TMEM232: variants seen among roughly 807,000 people sequenced by gnomAD.
TMEM232 encodes the protein transmembrane protein 232.
Under a neutral mutation model 78.8 loss-of-function variants are expected in TMEM232, and 80 were observed. The ratio of observed to expected loss-of-function variants is 1.01; its 90% CI spans 0.85 to 1.22. The LOEUF (loss-of-function observed/expected upper bound fraction) is 1.22, where lower values mean the gene tolerates loss of function less well. Among genes scored for constraint, TMEM232 ranks in the 50% most tolerant of loss-of-function variants. The probability of loss-of-function intolerance (pLI) is 0.00; values close to 1 mark genes in which losing one functional copy is unlikely to be tolerated. For synonymous variants in TMEM232, 297 were observed against 254.3 expected, an observed-to-expected ratio of 1.17 and a Z score of -1.60; for missense variants, 881 against 742.2, an observed-to-expected ratio of 1.19 and a Z score of -2.17.
At chr5:110,549,765 G>A (rs1774238993) in intron 11 of TMEM232, among the ~76,000 whole-genome samples, 1 of 151,900 alleles carries the variant, frequency 6.6e-6, no homozygotes, top group Non-Finnish European at 1.5e-5. Context: ...AAAAATAGAA[G>A]CAATTTTAGA....
At chr5:110,518,755 C>T (rs961790947) in intron 12 of TMEM232, among the ~76,000 whole-genome samples, 7 of 152,080 alleles carry the variant, frequency 4.6e-5, no homozygotes, top group African/African-American at 1.5e-4. Context: ...TTGGCAGCAA[C>T]ACTCATATGA....
At chr5:110,542,802 C>T (rs879257522) in intron 11 of TMEM232, among the ~76,000 whole-genome samples, 27 of 152,214 alleles carry the variant, frequency 1.8e-4, no homozygotes, top group Non-Finnish European at 2.9e-4. Context: ...CTTTGCAACC[C>T]CCCTCGCTTT....
At chr5:110,722,883 T>C (rs1387242952) in intron 1 of TMEM232, among the ~76,000 whole-genome samples, 2 of 152,214 alleles carry the variant, frequency 1.3e-5, no homozygotes, top group African/African-American at 4.8e-5. Flanking sequence ...AGTTAATTCT[T>C]TGTATTTACT....
intron 1 of TMEM232, among the ~76,000 whole-genome samples, chr5:110,683,681 A>T (rs1793040275): frequency 6.6e-6 from 1 of 151,718 alleles, no homozygotes; most frequent in Admixed American, 6.6e-5. Context: ...ATCTTATTAT[A>T]TTCTATACAA....
intron 1 of TMEM232, among the ~76,000 whole-genome samples, chr5:110,688,868 G>C (rs1368580452): frequency 6.6e-6 from 1 of 152,150 alleles, no homozygotes; most frequent in Admixed American, 6.5e-5. Flanking sequence ...CTGGTGAGCT[G>C]CTAAAACTTC....
intron 11 of TMEM232, among the ~76,000 whole-genome samples, chr5:110,557,397 A>G (rs1349474909): frequency 2.0e-5 from 3 of 152,202 alleles, no homozygotes; most frequent in African/African-American, 7.2e-5. Context: ...CAGTCTGGTT[A>G]AGAACCATTG....
intron 1 of TMEM232, among the ~76,000 whole-genome samples, chr5:110,706,377 G>A (rs1416216361): frequency 1.3e-5 from 2 of 152,108 alleles, no homozygotes; most frequent in African/African-American, 4.8e-5. Context: ...CTTTACCACA[G>A]TGGACCTCTC....
At chr5:110,566,692 A>G (rs1005851444) in intron 11 of TMEM232, among the ~76,000 whole-genome samples, 1 of 151,882 alleles carries the variant, frequency 6.6e-6, no homozygotes, top group Non-Finnish European at 1.5e-5. Context: ...ACACATCTCT[A>G]GAAGTTCCAA....
chr5:110,427,366 T>C (rs997973129), intron 12 of TMEM232, among the ~76,000 whole-genome samples: 1 of 151,962 alleles, frequency 6.6e-6, no homozygotes, highest in African/African-American at 2.4e-5. Context: ...ATCATATTCA[T>C]TGTCAAAAGA....
At chr5:110,434,726 T>G (rs912651010) in intron 12 of TMEM232, among the ~76,000 whole-genome samples, 1 of 152,082 alleles carries the variant, frequency 6.6e-6, no homozygotes, top group African/African-American at 2.4e-5. Context: ...GCAAACCAAA[T>G]GCGGCAGCAC....
intron 10 of TMEM232, among the ~76,000 whole-genome samples, chr5:110,571,217 C>T (rs745450255): frequency 9.9e-5 from 15 of 151,966 alleles, no homozygotes; most frequent in African/African-American, 2.2e-4. Context: ...ATCTTTTATT[C>T]GCTCAGATAT....
chr5:110,635,482 C>T (rs1039777135), intron 5 of TMEM232, among the ~76,000 whole-genome samples: 4 of 152,096 alleles, frequency 2.6e-5, no homozygotes, highest in Non-Finnish European at 5.9e-5. Flanking sequence ...AAAGATAATA[C>T]AACACGATCA....
intron 1 of TMEM232, among the ~76,000 whole-genome samples, chr5:110,671,358 G>C (rs931259691): frequency 6.6e-6 from 1 of 152,110 alleles, no homozygotes; most frequent in African/African-American, 2.4e-5. Flanking sequence ...CAAGGATCTA[G>C]AATCAGAAAT....
chr5:110,445,595 A>G (rs1305646297), intron 12 of TMEM232, among the ~76,000 whole-genome samples: 2 of 152,002 alleles, frequency 1.3e-5, no homozygotes, highest in Admixed American at 6.6e-5. Context: ...TAACAACTTA[A>G]AACAAAAAAC....
At chr5:110,713,822 G>T (rs1796744177) in intron 1 of TMEM232, among the ~76,000 whole-genome samples, 1 of 152,170 alleles carries the variant, frequency 6.6e-6, no homozygotes, top group Non-Finnish European at 1.5e-5. Flanking sequence ...CAGAGAGTTA[G>T]AAATTATAAA....
intron 1 of TMEM232, among the ~76,000 whole-genome samples, chr5:110,722,977 A>G (rs1161364944): frequency 6.6e-6 from 1 of 152,118 alleles, no homozygotes; most frequent in Non-Finnish European, 1.5e-5. Flanking sequence ...TTCTTTTCTT[A>G]TAATGTCCTT....
chr5:110,613,366 A>G (rs1323007662), intron 8 of TMEM232, among the ~76,000 whole-genome samples: 2 of 152,150 alleles, frequency 1.3e-5, no homozygotes, highest in Non-Finnish European at 2.9e-5. Flanking sequence ...TTTCAATTTC[A>G]TGGGCACAAG....
At chr5:110,589,388 G>A (rs974090565) in intron 10 of TMEM232, among the ~76,000 whole-genome samples, 2 of 152,144 alleles carry the variant, frequency 1.3e-5, no homozygotes, top group African/African-American at 4.8e-5. Flanking sequence ...ACATGATATA[G>A]GGTCTGTGGC....
At chr5:110,539,554 A>G (rs1186370904) in intron 11 of TMEM232, among the ~76,000 whole-genome samples, 1 of 152,154 alleles carries the variant, frequency 6.6e-6, no homozygotes. Flanking sequence ...TCACCTTTGA[A>G]TGGAAAAATC....
Sources: allele counts gnomAD v4.1 joint callset (sites outside exome capture counted in the v4.1 genomes callset), GRCh38; gene constraint gnomAD v4.1.1; transcripts MANE v1.5; gene names NCBI Gene and HGNC (gene_info 2026-07-23, HGNC 2026-07-21).